Variants in PRR5L observed in about 807,000 individuals in gnomAD.
PRR5L encodes proline rich 5 like.
In PRR5L, 21 loss-of-function variants were observed where a neutral mutation model predicts 36.4. That is an observed-to-expected ratio of 0.58 (90% CI 0.41 to 0.83). PRR5L has a LOEUF of 0.83. Among genes scored for constraint, PRR5L ranks in the 40% least tolerant of loss-of-function variants. PRR5L has a pLI of 0.00. For synonymous variants in PRR5L, 188 were observed against 197.0 expected (o/e 0.95, Z 0.38); for missense variants, 381 against 473.3 (o/e 0.80, Z 1.81).
intron 1 of PRR5L, among the ~76,000 whole-genome samples, chr11:36,305,975 G>T (rs1856426852): frequency 6.6e-6 from 1 of 152,162 alleles, no homozygotes; most frequent in African/African-American, 2.4e-5. Context: ...GTGTATAAAG[G>T]TGCTGGCACT....
Position 36,350,998 on chromosome 11 carries a change from A to ATATATTTATATATTTATATATT in PRR5L, c.-125-49994_-125-49993insTTATATATTTATATATTTATAT, listed in dbSNP as rs1554986991. ...TATATATTTATATATTTATATATTT[A>ATATATTTATATATTTATATATT]TATATATTTATATAGTTATATATTT... On this transcript the variant is annotated intron_variant, in intron 1 of 8. Coordinates refer to ENST00000530639, the MANE Select transcript of PRR5L (RefSeq NM_001160167.2). 1.5e-4 allele frequency among the ~76,000 whole-genome samples: 8 copies of ATATATTTATATATTTATATATT among 51,758 alleles called. 1 individual carries two copies. Among genetic ancestry groups the ATATATTTATATATTTATATATT allele is most frequent in the South Asian group, 4.3e-4 (1 of 2,326 alleles). The allele number at this position is 51,758 out of a possible 152,430, so 34.0% of individuals were successfully genotyped here.
At chr11:36,318,161 T>C (rs983758934) in intron 1 of PRR5L, among the ~76,000 whole-genome samples, 18 of 152,222 alleles carry the variant, frequency 1.2e-4, no homozygotes, top group Non-Finnish European at 2.4e-4. Context: ...ATATATACCA[T>C]ATAGCCCAGG....
chr11:36,399,872 G>A (rs1224348888), intron 1 of PRR5L, among the ~76,000 whole-genome samples: 1 of 152,226 alleles, frequency 6.6e-6, no homozygotes, highest in Non-Finnish European at 1.5e-5. Flanking sequence ...AGTCCTTGAG[G>A]CCCATGGCTC....
intron 1 of PRR5L, among the ~76,000 whole-genome samples, chr11:36,345,093 G>A (rs1161850136): frequency 6.6e-6 from 1 of 152,160 alleles, no homozygotes; most frequent in Non-Finnish European, 1.5e-5. Flanking sequence ...GGAGGTCAGG[G>A]TGAGAGCAGC....
At chr11:36,302,658 G>A (rs970179120) in intron 1 of PRR5L, among the ~76,000 whole-genome samples, 7 of 152,060 alleles carry the variant, frequency 4.6e-5, no homozygotes, top group Non-Finnish European at 7.4e-5. Flanking sequence ...ATGGTGGCGG[G>A]CACCTGTAAT....
At chr11:36,389,796 G>T (rs1857529036) in intron 1 of PRR5L, among the ~76,000 whole-genome samples, 1 of 152,102 alleles carries the variant, frequency 6.6e-6, no homozygotes, top group Admixed American at 6.5e-5. Context: ...ATTTTTGGTA[G>T]AGACGGGGGT....
intron 1 of PRR5L, among the ~76,000 whole-genome samples, chr11:36,388,709 T>C (rs1857503812): frequency 6.9e-6 from 1 of 144,098 alleles, no homozygotes; most frequent in African/African-American, 2.5e-5. Context: ...TTTTTTTTTT[T>C]TTTTTTTGAG....
intron 1 of PRR5L, among the ~76,000 whole-genome samples, chr11:36,354,432 A>G (rs1258875842): frequency 6.6e-6 from 1 of 152,220 alleles, no homozygotes; most frequent in African/African-American, 2.4e-5. Context: ...GCTGTCCCTT[A>G]TCAATAATTT....
At chr11:36,358,955 C>T (rs535555608) in intron 1 of PRR5L, among the ~76,000 whole-genome samples, 1 of 152,204 alleles carries the variant, frequency 6.6e-6, no homozygotes, top group African/African-American at 2.4e-5. Flanking sequence ...ATTGACAATC[C>T]CTGATACATC....
At chr11:36,444,902 C>T (rs1000625642) in intron 6 of PRR5L, among the ~76,000 whole-genome samples, 1 of 152,232 alleles carries the variant, frequency 6.6e-6, no homozygotes, top group South Asian at 2.1e-4. Context: ...CTGGCTCTCT[C>T]CTGTTGCCTC....
At chr11:36,304,925 T>G (rs537013380) in intron 1 of PRR5L, among the ~76,000 whole-genome samples, 3 of 152,232 alleles carry the variant, frequency 2.0e-5, no homozygotes, top group East Asian at 3.9e-4. Flanking sequence ...GTGCTGCTGG[T>G]GGGAATATAA....
intron 1 of PRR5L, among the ~76,000 whole-genome samples, chr11:36,359,976 G>T (rs1460536261): frequency 2.6e-5 from 4 of 151,912 alleles, no homozygotes; most frequent in Admixed American, 6.6e-5. Flanking sequence ...GGCAGAGGTT[G>T]CAGTGAGCCG....
intron 1 of PRR5L, among the ~76,000 whole-genome samples, chr11:36,299,717 C>T (rs1386647152): frequency 6.6e-6 from 1 of 152,190 alleles, no homozygotes; most frequent in Non-Finnish European, 1.5e-5. Context: ...AGAGATTATT[C>T]AGCGAGTGGC....
At chr11:36,298,222 G>A (rs1233039588) in intron 1 of PRR5L, among the ~76,000 whole-genome samples, 1 of 152,106 alleles carries the variant, frequency 6.6e-6, no homozygotes, top group Non-Finnish European at 1.5e-5. Context: ...AATTTTTTTG[G>A]TACCAGAGAC....
At chr11:36,327,277 C>T (rs1856674176) in intron 1 of PRR5L, among the ~76,000 whole-genome samples, 1 of 152,194 alleles carries the variant, frequency 6.6e-6, no homozygotes, top group African/African-American at 2.4e-5. Context: ...AAAACTAGTT[C>T]ATGCCATGAT....
At chr11:36,458,441 C>G (rs1859110464) in intron 8 of PRR5L, among the ~76,000 whole-genome samples, 1 of 152,224 alleles carries the variant, frequency 6.6e-6, no homozygotes, top group Non-Finnish European at 1.5e-5. Flanking sequence ...ACTCTACACT[C>G]TAAATTCTAT....
intron 1 of PRR5L, among the ~76,000 whole-genome samples, chr11:36,345,093 G>C (rs1161850136): frequency 6.6e-6 from 1 of 152,278 alleles, no homozygotes; most frequent in East Asian, 1.9e-4. Flanking sequence ...GGAGGTCAGG[G>C]TGAGAGCAGC....
intron 1 of PRR5L, chr11:36,376,801 G>C (rs989070192): frequency 4.5e-6 from 4 of 881,016 alleles, no homozygotes; most frequent in African/African-American, 1.8e-5. Context: ...CTAATCTGAC[G>C]GGGCGCGGCG....
At chr11:36,350,597 G>C (rs970799168) in intron 1 of PRR5L, among the ~76,000 whole-genome samples, 1 of 151,740 alleles carries the variant, frequency 6.6e-6, no homozygotes, top group Non-Finnish European at 1.5e-5. Context: ...ACATGAATAA[G>C]TTCTTTAGTG....
Sources: gnomAD v4.1 joint callset for allele counts (sites outside exome capture counted in the v4.1 genomes callset) on GRCh38, gnomAD v4.1.1 for gene constraint, MANE v1.5 for transcripts, NCBI Gene and HGNC (gene_info 2026-07-23, HGNC 2026-07-21) for gene names.